The following NRG1 variants were observed in gnomAD, a reference collection of about 807,000 sequenced individuals.
NRG1 encodes pro-neuregulin-1, membrane-bound isoform.
A neutral mutation model predicts 63.8 loss-of-function variants in NRG1; 18 were observed. That is an observed-to-expected ratio of 0.28 (90% CI 0.19 to 0.42). NRG1 has a LOEUF of 0.42. Ranked by LOEUF, NRG1 falls within the 10% of genes least tolerant of loss-of-function variation. The probability of loss-of-function intolerance (pLI) is 1.00; values close to 1 mark genes in which losing one functional copy is unlikely to be tolerated. For missense variants in NRG1, 762 were observed against 814.7 expected (o/e 0.94, Z 0.79); for synonymous variants, 302 against 301.3 (o/e 1.00, Z -0.02).
chr8:32,471,403 A>G (rs933414113), intron 1 of NRG1, among the ~76,000 whole-genome samples: 1 of 152,126 alleles, frequency 6.6e-6, no homozygotes, highest in African/African-American at 2.4e-5. Context: ...TGTCACATTT[A>G]CATTTTAGGT....
chr8:32,037,034 A>G (rs542206419), intron 1 of NRG1, among the ~76,000 whole-genome samples: 12 of 152,184 alleles, frequency 7.9e-5, no homozygotes, highest in South Asian at 4.1e-4. Context: ...TGAGTTTTCA[A>G]TGTTTTTGCA....
intron 1 of NRG1, among the ~76,000 whole-genome samples, chr8:32,472,489 T>A (rs1371763526): frequency 2.6e-5 from 4 of 152,206 alleles, no homozygotes; most frequent in Non-Finnish European, 5.9e-5. Context: ...TATTCTTTAT[T>A]TTCCCTGATA....
At chr8:32,354,801 A>T (rs76283454) in intron 1 of NRG1, among the ~76,000 whole-genome samples, 2,064 of 105,308 alleles carry the variant, frequency 0.02, 32 homozygotes, top group East Asian at 0.074. Flanking sequence ...TGCTTTTTTT[A>T]AAAAAAAAAA....
At chr8:32,721,861 C>T in intron 5 of NRG1, 1 of 1,403,770 alleles carries the variant, frequency 7.1e-7, no homozygotes, top group Non-Finnish European at 9.3e-7. Context: ...TGCTCCAGAG[C>T]TTCATCTTCA....
chr8:32,524,246 G>A (rs555522041), intron 1 of NRG1, among the ~76,000 whole-genome samples: 1 of 152,206 alleles, frequency 6.6e-6, no homozygotes, highest in South Asian at 2.1e-4. Flanking sequence ...AGACCTTCTA[G>A]ATACAAGCAA....
chr8:32,758,707 G>A (rs1479319092), intron 9 of NRG1, among the ~76,000 whole-genome samples: 1 of 151,518 alleles, frequency 6.6e-6, no homozygotes, highest in African/African-American at 2.4e-5. Context: ...TGTGTGCATT[G>A]ACAACAATTG....
intron 1 of NRG1, among the ~76,000 whole-genome samples, chr8:32,193,152 T>C (rs953297249): frequency 1.3e-5 from 2 of 152,192 alleles, no homozygotes; most frequent in African/African-American, 4.8e-5. Context: ...ACAGGACTAG[T>C]CATTTGAGGT....
intron 1 of NRG1, among the ~76,000 whole-genome samples, chr8:32,062,041 A>C (rs1823961901): frequency 6.6e-6 from 1 of 151,844 alleles, no homozygotes; most frequent in Admixed American, 6.6e-5. Context: ...AGTGTAGAGC[A>C]CAAAAGTTCT....
chr8:31,989,422 TTTA>T (rs1439202823), intron 1 of NRG1, among the ~76,000 whole-genome samples: 1 of 151,888 alleles, frequency 6.6e-6, no homozygotes, highest in East Asian at 1.9e-4. Flanking sequence ...GAGCAGACCC[TTTA>T]TTGTGTCCCA....
intron 1 of NRG1, among the ~76,000 whole-genome samples, chr8:32,059,911 T>C (rs908997415): frequency 6.6e-6 from 1 of 152,044 alleles, no homozygotes; most frequent in Non-Finnish European, 1.5e-5. Context: ...TCCAGACTTA[T>C]CCTTTCTCAT....
At chr8:31,643,709 T>A (rs1804020506) in intron 1 of NRG1, among the ~76,000 whole-genome samples, 1 of 152,226 alleles carries the variant, frequency 6.6e-6, no homozygotes. Context: ...TATCCTTGGG[T>A]TTTATGTTCA....
chr8:32,385,022 C>T (rs1202957399), intron 1 of NRG1, among the ~76,000 whole-genome samples: 3 of 152,128 alleles, frequency 2.0e-5, no homozygotes. Context: ...CTTATGGCCT[C>T]TCTCTCTTGT....
chr8:31,932,024 GC>G (rs1248545091), intron 1 of NRG1, among the ~76,000 whole-genome samples: 1 of 152,160 alleles, frequency 6.6e-6, no homozygotes, highest in Admixed American at 6.5e-5. Context: ...TACACCTGCA[GC>G]TGGATGGGTT....
intron 1 of NRG1, among the ~76,000 whole-genome samples, chr8:32,199,124 G>C (rs1026937356): frequency 6.6e-6 from 1 of 152,046 alleles, no homozygotes; most frequent in African/African-American, 2.4e-5. Flanking sequence ...TTATAAGCCT[G>C]TTGATAATTT....
At chr8:32,608,928 G>A (rs553959460) in intron 3 of NRG1, among the ~76,000 whole-genome samples, 2 of 152,174 alleles carry the variant, frequency 1.3e-5, no homozygotes, top group South Asian at 2.1e-4. Flanking sequence ...GTGAAATTCC[G>A]CAGACCAAGA....
intron 5 of NRG1, among the ~76,000 whole-genome samples, chr8:32,709,640 C>T (rs777839982): frequency 1.3e-5 from 2 of 151,886 alleles, no homozygotes; most frequent in East Asian, 1.9e-4. Flanking sequence ...AGGCTGGTCT[C>T]GAACTCCTAG....
At chr8:32,762,681 C>T (rs1589655703) in intron 11 of NRG1, among the ~76,000 whole-genome samples, 1 of 152,118 alleles carries the variant, frequency 6.6e-6, no homozygotes, top group East Asian at 1.9e-4. Flanking sequence ...TTTCAGGTCA[C>T]GTCAAATTAG....
At chr8:32,404,293 G>C (rs1205160442) in intron 1 of NRG1, among the ~76,000 whole-genome samples, 1 of 145,536 alleles carries the variant, frequency 6.9e-6, no homozygotes, top group African/African-American at 2.5e-5. Context: ...AATCAGGGAA[G>C]GAGGAACCAT....
chr8:32,289,355 T>C (rs904803921), intron 1 of NRG1, among the ~76,000 whole-genome samples: 8 of 152,036 alleles, frequency 5.3e-5, no homozygotes, highest in Non-Finnish European at 1.2e-4. Context: ...TCCTCAGGAA[T>C]AGGATTCTTG....
Sources: allele counts gnomAD v4.1 joint callset (sites outside exome capture counted in the v4.1 genomes callset), GRCh38; gene constraint gnomAD v4.1.1; transcripts MANE v1.5; gene names NCBI Gene and HGNC (gene_info 2026-07-23, HGNC 2026-07-21).